The following ABI2 variants were observed in gnomAD, a reference collection of about 807,000 sequenced individuals.
ABI2 encodes the protein abl interactor 2, also known as abelson interactor 2.
A neutral mutation model predicts 59.2 loss-of-function variants in ABI2; 25 were observed. The ratio of observed to expected loss-of-function variants is 0.42; its 90% CI spans 0.31 to 0.59. The LOEUF is 0.59. Ranked by LOEUF, ABI2 falls within the 20% of genes least tolerant of loss-of-function variation. The pLI, the probability that ABI2 is intolerant of heterozygous loss-of-function variation, is 0.14. For missense variants in ABI2, 545 were observed against 681.8 expected, an observed-to-expected ratio of 0.80 and a Z score of 2.23; for synonymous variants, 213 against 235.5, an observed-to-expected ratio of 0.90 and a Z score of 0.87.
rs2098468243 is a variant in ABI2, at chr2:203,429,799, G to C, written c.*2447G>C. On this transcript the variant is annotated 3_prime_UTR_variant, in exon 12 of 12. Coordinates refer to ENST00000261018, the MANE Select transcript of ABI2 (RefSeq NM_001375670.1). ...CCCACAGCTCACCACTACAGAAGCA[G>C]GGAAGACAACTATGCAGAAAACAGA... 6.6e-6 allele frequency: 1 copy of C among 151,736 alleles called. No homozygotes were observed. Among genetic ancestry groups the C allele is most frequent in the Non-Finnish European group, 1.5e-5 (1 of 68,104 alleles). The allele number at this position is 151,736 out of a possible 1,614,324, so 9.4% of individuals were successfully genotyped here.
intron 10 of ABI2, among the ~76,000 whole-genome samples, chr2:203,413,989 A>G (rs1054102343): frequency 6.6e-6 from 1 of 152,192 alleles, no homozygotes; most frequent in African/African-American, 2.4e-5. Flanking sequence ...ATAGAGTCCA[A>G]ACTGCTGTAA....
chr2:203,410,096 A>G (rs2097593306), intron 9 of ABI2, among the ~76,000 whole-genome samples: 1 of 152,172 alleles, frequency 6.6e-6, no homozygotes, highest in African/African-American at 2.4e-5. Context: ...CAACTTGATT[A>G]TCTTTCTCAA....
rs201078076 is a variant in ABI2 at position 203,395,792 on chromosome 2, A to G, written c.850+12A>G. The G allele has an allele frequency of 3.8e-6, 6 of 1,581,832 alleles. No individual in the cohort carries two copies. The highest frequency in any genetic ancestry group is 1.8e-5 in the Admixed American group (1 of 55,810). The stretch of plus-strand genomic sequence containing the variant: ...CAGTGTCTTTCCAGGTAAAACATTC[A>G]TGGTGCCTCGTCTTCACTTTTCCTT... On this transcript the variant is annotated intron_variant, in intron 7 of 11. Coordinates refer to ENST00000261018, the MANE Select transcript of ABI2 (RefSeq NM_001375670.1).
intron 8 of ABI2, 109 bp downstream of exon 8, chr2:203,397,076 A>G (rs1274635373): frequency 7.9e-7 from 1 of 1,263,350 alleles, no homozygotes; most frequent in Non-Finnish European, 1.0e-6. Flanking sequence ...CGTATTAAAA[A>G]AAAATAAGAA....
chr2:203,344,791 T>G (rs1189522050), intron 1 of ABI2, among the ~76,000 whole-genome samples: 2 of 152,200 alleles, frequency 1.3e-5, no homozygotes, highest in Non-Finnish European at 2.9e-5. Context: ...ATCAGGACTC[T>G]GTGTCTAGCT....
intron 9 of ABI2, among the ~76,000 whole-genome samples, chr2:203,408,833 CTTT>C (rs1156536730): frequency 2.3e-5 from 2 of 87,198 alleles, no homozygotes; most frequent in African/African-American, 7.5e-5. Context: ...CTTCTCCTTT[CTTT>C]TTTTTTTTTT....
intron 1 of ABI2, chr2:203,355,272 C>A (rs2091301082): frequency 2.7e-5 from 8 of 299,830 alleles, no homozygotes; most frequent in South Asian, 2.4e-4. Context: ...TTTGGGAGGT[C>A]ATGGTAAGAG....
At chr2:203,338,439 C>G (rs2077435380) in intron 1 of ABI2, among the ~76,000 whole-genome samples, 1 of 151,726 alleles carries the variant, frequency 6.6e-6, no homozygotes. Flanking sequence ...AGCACCATCC[C>G]TTTAGTGATA....
chr2:203,366,769 C>A, intron 1 of ABI2, 108 bp from the exon 2 acceptor site: 1 of 1,113,000 alleles, frequency 9.0e-7, no homozygotes, highest in Admixed American at 3.2e-5. Flanking sequence ...AGTTTTTTTA[C>A]TTTCTGGTGG....
At chr2:203,364,818 T>C (rs2094164896) in intron 1 of ABI2, among the ~76,000 whole-genome samples, 2 of 151,904 alleles carry the variant, frequency 1.3e-5, no homozygotes, top group African/African-American at 2.4e-5. Context: ...CACTGCATCT[T>C]TGGCTTCTGG....
At chr2:203,373,825 G>C (rs1259114867) in intron 2 of ABI2, among the ~76,000 whole-genome samples, 3 of 152,202 alleles carry the variant, frequency 2.0e-5, no homozygotes, top group Non-Finnish European at 2.9e-5. Flanking sequence ...TTGAAAGGCA[G>C]TGGCCTTAAG....
At chr2:203,363,184 AG>A (rs1273429657) in intron 1 of ABI2, among the ~76,000 whole-genome samples, 2 of 152,116 alleles carry the variant, frequency 1.3e-5, no homozygotes, top group Non-Finnish European at 2.9e-5. Flanking sequence ...ATATAGGAGT[AG>A]GTGTATATAT....
chr2:203,393,292 T>TG (rs1388116558), intron 5 of ABI2, among the ~76,000 whole-genome samples: 6 of 152,354 alleles, frequency 3.9e-5, no homozygotes, highest in African/African-American at 1.4e-4. Flanking sequence ...TGAGCTCAAG[T>TG]GCTCTGCCTG....
At chr2:203,333,538 A>C (rs2074981008) in intron 1 of ABI2, among the ~76,000 whole-genome samples, 1 of 152,176 alleles carries the variant, frequency 6.6e-6, no homozygotes. Flanking sequence ...GACTGAGTAG[A>C]ATTTGGGAGA....
rs2098480946 is a variant in ABI2, at chr2:203,431,225, G to C, written c.*3873G>C. 1 of 152,612 alleles carries C rather than the reference G, an allele frequency of 6.6e-6. No individual in the cohort carries two copies. Among genetic ancestry groups the C allele is most frequent in the Non-Finnish European group, 1.5e-5 (1 of 68,040 alleles). The allele number at this position is 152,612 out of a possible 1,614,324, so 9.5% of individuals were successfully genotyped here. On this transcript the variant is annotated 3_prime_UTR_variant, in exon 12 of 12. Coordinates refer to ENST00000261018, the MANE Select transcript of ABI2 (RefSeq NM_001375670.1). ...AAATTTCTGGTTGTCTCATTAGACT[G>C]ATGAGGTGAGTTTTCTTCTTCATAT... is the stretch of plus-strand genomic sequence containing the variant.
At chr2:203,383,230 C>T (rs141454592) in intron 4 of ABI2, 3 of 154,900 alleles carry the variant, frequency 1.9e-5, no homozygotes, top group Admixed American at 1.3e-4. Context: ...CAACTTTCCC[C>T]TGCCCGTGGT....
intron 1 of ABI2, among the ~76,000 whole-genome samples, chr2:203,342,039 T>A (rs1248515416): frequency 6.6e-6 from 1 of 152,202 alleles, no homozygotes; most frequent in African/African-American, 2.4e-5. Context: ...TCTGCTAAAC[T>A]AAAATTCTGT....
At position 203,328,510 on chromosome 2, in the gene ABI2, TGA is replaced by T; in HGVS notation, c.-4_-3del. The T allele has an allele frequency of 6.2e-7, 1 of 1,601,344 alleles. No individual in the cohort carries two copies. The highest frequency in any genetic ancestry group is 8.5e-7 in the Non-Finnish European group (1 of 1,174,368). On this transcript the variant is annotated 5_prime_UTR_variant, in exon 1 of 12. It removes the in-frame stop codon of an upstream open reading frame in the 5' UTR. Coordinates refer to ENST00000261018, the MANE Select transcript of ABI2 (RefSeq NM_001375670.1). ...TATGAGGAGGAGGAGGAGGAGGATG[TGA>T]AGATGGCGGAGCTGCAGATGCTGCT... is the stretch of plus-strand genomic sequence containing the variant.
At chr2:203,335,862 G>C (rs917599119) in intron 1 of ABI2, among the ~76,000 whole-genome samples, 1 of 151,950 alleles carries the variant, frequency 6.6e-6, no homozygotes, top group Non-Finnish European at 1.5e-5. Flanking sequence ...ACCCTTTTTA[G>C]GTGTAAAGGT....
Sources: gnomAD v4.1 joint callset for allele counts (sites outside exome capture counted in the v4.1 genomes callset) on GRCh38, gnomAD v4.1.1 for gene constraint, MANE v1.5 for transcripts, NCBI Gene and HGNC (gene_info 2026-07-23, HGNC 2026-07-21) for gene names.